The following TAFA4 variants were observed in gnomAD, a reference collection of about 807,000 sequenced individuals.
TAFA4 encodes TAFA chemokine like family member 4, also known as chemokine-like protein TAFA-4.
TAFA4 carries 20 observed loss-of-function variants against 21.1 expected under a neutral mutation model. That is an observed-to-expected ratio of 0.95 (90% CI 0.67 to 1.38). TAFA4 has a LOEUF of 1.38. Among genes scored for constraint, TAFA4 ranks in the 40% most tolerant of loss-of-function variants. TAFA4 has a pLI of 0.00. For missense variants in TAFA4, 211 were observed against 180.9 expected (o/e 1.17, Z -0.95); for synonymous variants, 71 against 67.4 (o/e 1.05, Z -0.26).
chr3:68,752,231 C>G (rs1052152715), intron 4 of TAFA4, among the ~76,000 whole-genome samples: 1 of 152,182 alleles, frequency 6.6e-6, no homozygotes, highest in African/African-American at 2.4e-5. Context: ...TGGGGACTGA[C>G]ACTTGTTTCT....
At chr3:68,780,885 C>T (rs1195745345) in intron 3 of TAFA4, among the ~76,000 whole-genome samples, 1 of 134,188 alleles carries the variant, frequency 7.5e-6, no homozygotes, top group Non-Finnish European at 1.6e-5. Flanking sequence ...CAAGTCAGAT[C>T]ATATTCTAGG....
Position 68,927,497 on chromosome 3 carries a change from G to A in TAFA4, c.-123+4743C>T, listed in dbSNP as rs996330745. Among the ~76,000 whole-genome samples, 3 of 152,176 alleles carry A rather than the reference G, an allele frequency of 2.0e-5. No individual in the cohort carries two copies. In the East Asian group the frequency reaches 5.8e-4, roughly 29 times the overall value. ...CTGTAGAATGTTCTATTGCTTTCTA[G>A]TTTAAAATGAACTTATAGCACTAGC... On this transcript the variant is annotated intron_variant, in intron 1 of 5. Coordinates refer to ENST00000295569, the MANE Select transcript of TAFA4 (RefSeq NM_182522.5).
chr3:68,847,420 G>C (rs1227230972), intron 3 of TAFA4, among the ~76,000 whole-genome samples: 3 of 152,238 alleles, frequency 2.0e-5, no homozygotes, highest in Non-Finnish European at 4.4e-5. Context: ...CTGGCAGCAA[G>C]AATTTCAAGC....
intron 3 of TAFA4, among the ~76,000 whole-genome samples, chr3:68,851,471 C>T (rs1190802155): frequency 6.6e-6 from 1 of 151,974 alleles, no homozygotes; most frequent in African/African-American, 2.4e-5. Context: ...ACATGTACCC[C>T]AGAATTTAAA....
chr3:68,747,260 T>TCTCAAA (rs1553714950), intron 4 of TAFA4, among the ~76,000 whole-genome samples: 1 of 152,036 alleles, frequency 6.6e-6, no homozygotes, highest in Non-Finnish European at 1.5e-5. Flanking sequence ...TCTCTCTCTC[T>TCTCAAA]CAAACACACA....
intron 3 of TAFA4, among the ~76,000 whole-genome samples, chr3:68,792,278 A>G (rs930259163): frequency 1.3e-5 from 2 of 152,054 alleles, no homozygotes; most frequent in Non-Finnish European, 2.9e-5. Context: ...TCTTATTTCT[A>G]TTTTTTGGTT....
intron 1 of TAFA4, among the ~76,000 whole-genome samples, chr3:68,909,739 A>G (rs1468964046): frequency 6.6e-6 from 1 of 152,242 alleles, no homozygotes; most frequent in Non-Finnish European, 1.5e-5. Flanking sequence ...TGACTGTGTT[A>G]CTTATCTAAT....
At chr3:68,838,008 T>G (rs545809310) in intron 3 of TAFA4, among the ~76,000 whole-genome samples, 1 of 152,264 alleles carries the variant, frequency 6.6e-6, no homozygotes, top group South Asian at 2.1e-4. Flanking sequence ...TACTTATCAT[T>G]TTGTGATGAG....
intron 3 of TAFA4, among the ~76,000 whole-genome samples, chr3:68,811,394 G>A (rs941997215): frequency 2.0e-5 from 3 of 152,106 alleles, no homozygotes; most frequent in Non-Finnish European, 4.4e-5. Flanking sequence ...GAGTAAGTTC[G>A]AACCCATGGC....
rs189580319 is a variant in TAFA4 at position 68,732,406 on chromosome 3, T to C, written c.*736A>G. ...GCCGTAAAAATTCCAACAAGTTTTA[T>C]AAATATGTTCTGATAGAGCTTTGGT... On this transcript the variant is annotated 3_prime_UTR_variant, in exon 6 of 6. Transcript: ENST00000295569. 32 of 152,708 alleles carry C rather than the reference T, an allele frequency of 2.1e-4. 1 individual carries two copies. Among genetic ancestry groups the C allele is most frequent in the Admixed American group, 1.9e-3 (29 of 15,292 alleles). 9.5% of individuals were successfully genotyped at this position (152,708 alleles called of 1,614,324 possible).
chr3:68,805,983 A>G (rs954212053), intron 3 of TAFA4, among the ~76,000 whole-genome samples: 51 of 152,304 alleles, frequency 3.3e-4, no homozygotes, highest in African/African-American at 1.2e-3. Context: ...TAAAAAGTAC[A>G]AAACCAGAGA....
At chr3:68,851,798 G>A (rs983590109) in intron 3 of TAFA4, among the ~76,000 whole-genome samples, 1 of 152,162 alleles carries the variant, frequency 6.6e-6, no homozygotes, top group African/African-American at 2.4e-5. Context: ...GAAACAAAAT[G>A]GGAGAGAGAT....
At chr3:68,857,860 G>A (rs1161482079) in intron 3 of TAFA4, among the ~76,000 whole-genome samples, 2 of 151,474 alleles carry the variant, frequency 1.3e-5, no homozygotes, top group Non-Finnish European at 2.9e-5. Flanking sequence ...AGGTGGGAGA[G>A]AGCCATATTA....
chr3:68,877,877 T>C (rs2089570369), intron 3 of TAFA4, among the ~76,000 whole-genome samples: 1 of 152,200 alleles, frequency 6.6e-6, no homozygotes, highest in South Asian at 2.1e-4. Flanking sequence ...TATGGAATGT[T>C]TACTATGTGC....
chr3:68,905,789 G>T (rs2089894442), intron 1 of TAFA4, among the ~76,000 whole-genome samples: 1 of 152,168 alleles, frequency 6.6e-6, no homozygotes, highest in Admixed American at 6.5e-5. Flanking sequence ...TCATTGGTCA[G>T]GGGGTAAACG....
At chr3:68,920,915 T>C (rs2090055142) in intron 1 of TAFA4, among the ~76,000 whole-genome samples, 1 of 152,236 alleles carries the variant, frequency 6.6e-6, no homozygotes, top group African/African-American at 2.4e-5. Flanking sequence ...TGCTGTTTAG[T>C]CTTCCATAGA....
At position 68,882,747 on chromosome 3, in the gene TAFA4, C is replaced by A. The variant is rs140753346; in HGVS notation, c.15-1902G>T. ...CAAATTATGTGATTGATAATAGCAT[C>A]TAGAACTCAGGTAAGATCCACGTAT... On this transcript the variant is annotated intron_variant, in intron 2 of 5. Coordinates refer to ENST00000295569, the MANE Select transcript of TAFA4 (RefSeq NM_182522.5). Among the ~76,000 whole-genome samples, 379 of 152,308 alleles carry A rather than the reference C, an allele frequency of 2.5e-3. 1 individual carries two copies. Among genetic ancestry groups the A allele is most frequent in the African/African-American group, 8.8e-3 (366 of 41,564 alleles).
At chr3:68,854,902 A>G (rs2106914457) in intron 3 of TAFA4, among the ~76,000 whole-genome samples, 1 of 152,208 alleles carries the variant, frequency 6.6e-6, no homozygotes, top group Non-Finnish European at 1.5e-5. Context: ...CAACTTCCCA[A>G]CACAAAGCCT....
chr3:68,885,374 A>C, intron 1 of TAFA4, 64 bp from the exon 2 acceptor site: 2 of 576,512 alleles, frequency 3.5e-6, no homozygotes, highest in Middle Eastern at 3.4e-4. Context: ...AAATGAAACT[A>C]ATTTCCAGTA....
Sources: gnomAD v4.1 joint callset for allele counts (sites outside exome capture counted in the v4.1 genomes callset) on GRCh38, gnomAD v4.1.1 for gene constraint, MANE v1.5 for transcripts, NCBI Gene and HGNC (gene_info 2026-07-23, HGNC 2026-07-21) for gene names.